PLB1: variants seen among roughly 807,000 people sequenced by gnomAD.
PLB1 encodes phospholipase B1, membrane-associated.
In PLB1, 242 loss-of-function variants were observed where a neutral mutation model predicts 227.4. The observed-to-expected ratio is 1.06, with a 90% CI of 0.96 to 1.18. The LOEUF (loss-of-function observed/expected upper bound fraction) is 1.18. Among genes scored for constraint, PLB1 ranks in the 50% most tolerant of loss-of-function variants. The probability of loss-of-function intolerance (pLI) is 0.00; values close to 1 mark genes in which losing one functional copy is unlikely to be tolerated. For synonymous variants in PLB1, 757 were observed against 682.2 expected, an observed-to-expected ratio of 1.11 and a Z score of -1.71; for missense variants, 1,858 against 1,816.3, an observed-to-expected ratio of 1.02 and a Z score of -0.42.
chr2:28,540,357 A>T lies in PLB1; in HGVS notation c.699-9A>T. On this transcript the variant is annotated splice_polypyrimidine_tract_variant and intron_variant, in intron 11 of 57. Transcript: ENST00000327757. ...CCCTCTCTCATTCCTGGTGTGTTTT[A>T]ACCTGCAGCCCTGCACCAGAGCCCT... 1 of 1,613,558 alleles carries T rather than the reference A, an allele frequency of 6.2e-7. No individual in the cohort carries two copies. The highest frequency in any genetic ancestry group is 8.5e-7 in the Non-Finnish European group (1 of 1,179,646).
chr2:28,598,709 C>G lies in PLB1; in HGVS notation c.2423C>G (p.Ala808Gly). The change falls in exon 35 of 58, where the codon GCC becomes GGC. Residue 808 changes from alanine to glycine, a missense_variant. By Grantham distance (60) the Ala-to-Gly change is moderately conservative (BLOSUM62 0). Coordinates refer to ENST00000327757, the MANE Select transcript of PLB1 (RefSeq NM_153021.5). ...LTGYAVGTGD[A>G]NDTNAFLNQA... ...GGCTACGCCGTGGGCACGGGTGATG[C>G]CAATGACACGAATGCATTCCTCAAT... 3 of 1,614,198 alleles carry G rather than the reference C, an allele frequency of 1.9e-6. No homozygotes were observed. Among genetic ancestry groups the G allele is most frequent in the Non-Finnish European group, 2.5e-6 (3 of 1,180,004 alleles).
intron 1 of PLB1, among the ~76,000 whole-genome samples, chr2:28,507,852 A>G (rs1025987576): frequency 3.9e-5 from 6 of 152,208 alleles, no homozygotes; most frequent in African/African-American, 1.4e-4. Flanking sequence ...CTCTGGGACC[A>G]TCAGTACAGG....
intron 20 of PLB1, among the ~76,000 whole-genome samples, chr2:28,567,282 C>A (rs901161290): frequency 2.6e-5 from 4 of 152,132 alleles, no homozygotes; most frequent in Non-Finnish European, 4.4e-5. Context: ...AGGCATCGAT[C>A]CAGGCACCTG....
At chr2:28,563,856 C>A (rs1187871748) in intron 18 of PLB1, among the ~76,000 whole-genome samples, 1 of 152,172 alleles carries the variant, frequency 6.6e-6, no homozygotes, top group Non-Finnish European at 1.5e-5. Flanking sequence ...GCAGACACCT[C>A]TCATGTCTAT....
intron 31 of PLB1, among the ~76,000 whole-genome samples, chr2:28,592,437 C>T (rs911322370): frequency 2.6e-5 from 4 of 151,980 alleles, no homozygotes; most frequent in Non-Finnish European, 5.9e-5. Flanking sequence ...CTCCCTCCTT[C>T]TCCCTCTCTG....
chr2:28,520,054 G>A (rs1401673352), intron 4 of PLB1, among the ~76,000 whole-genome samples: 1 of 151,854 alleles, frequency 6.6e-6, no homozygotes, highest in African/African-American at 2.4e-5. Flanking sequence ...TCAGCCTCCC[G>A]AGTAGCTGGG....
chr2:28,597,411 C>A (rs56153418), intron 33 of PLB1, among the ~76,000 whole-genome samples: 4 of 136,924 alleles, frequency 2.9e-5, no homozygotes, highest in Non-Finnish European at 1.7e-5. Flanking sequence ...TCTGTGTGTC[C>A]TACTCAATTT....
Position 28,566,151 on chromosome 2 carries a change from C to T in PLB1, c.1281-645C>T, listed in dbSNP as rs75683675. ...CTGACACCTGCTTTAACCTGAGTGC[C>T]GAGTCTCTGGCATCCTTCCTCACGT... On this transcript the variant is annotated intron_variant, in intron 19 of 57. Transcript: ENST00000327757. Among the ~76,000 whole-genome samples, 26 of 152,180 alleles carry T rather than the reference C, an allele frequency of 1.7e-4. No homozygotes were observed. In the East Asian group the frequency reaches 2.7e-3, roughly 16 times the overall value.
chr2:28,626,622 ATTTG>A, intron 51 of PLB1, 114 bp downstream of exon 51: 1 of 920,738 alleles, frequency 1.1e-6, no homozygotes, highest in Non-Finnish European at 1.7e-6. Context: ...TGGGAACCAC[ATTTG>A]CCTGCTGCCC....
rs1688703031 is a variant in PLB1 at position 28,632,060 on chromosome 2, T to C, written c.3922T>C (p.Trp1308Arg). 1.2e-6 allele frequency: 2 copies of C among 1,614,100 alleles called. No individual in the cohort carries two copies. The highest frequency in any genetic ancestry group is 1.7e-4 in the Middle Eastern group (1 of 6,046). ...GCATGGCATCTCCAGTTTCTCCTAC[T>C]GGCACCAATACACACAGCGTGAGGA... ...LQHGISSFSY[W>R]HQYTQREDFA... The change falls in exon 55 of 58, where the codon TGG (tryptophan) becomes CGG (arginine). Residue 1308 changes from tryptophan (W) to arginine (R), a missense_variant. By Grantham distance (101) the Trp-to-Arg change is moderately radical. Transcript: ENST00000327757.
rs1034267591 is a variant in PLB1, at chr2:28,548,957, A to G, written c.1008+26A>G. 5 of 1,609,932 alleles carry G rather than the reference A, an allele frequency of 3.1e-6. No homozygotes were observed. In the African/African-American group the frequency reaches 5.4e-5, roughly 17 times the overall value. ...GTAGGAGGGACTGGGCAGAGGAGGG[A>G]CTCTTATTGAATCGAGGGCGCAGGT... On this transcript the variant is annotated intron_variant, in intron 15 of 57. Transcript: ENST00000327757.
At chr2:28,588,530 C>T (rs1211934170) in intron 26 of PLB1, among the ~76,000 whole-genome samples, 1 of 152,142 alleles carries the variant, frequency 6.6e-6, no homozygotes, top group East Asian at 1.9e-4. Flanking sequence ...CATTCACATT[C>T]CCAGGTATGT....
intron 53 of PLB1, among the ~76,000 whole-genome samples, chr2:28,629,434 C>T (rs1412989375): frequency 6.6e-6 from 1 of 152,250 alleles, no homozygotes; most frequent in East Asian, 1.9e-4. Context: ...ATCCTTAAGG[C>T]TCCCTGACAT....
intron 31 of PLB1, 117 bp downstream of exon 31, chr2:28,591,877 C>A: frequency 9.6e-7 from 1 of 1,042,988 alleles, no homozygotes; most frequent in Non-Finnish European, 1.4e-6. Flanking sequence ...CCAGTGCTTG[C>A]TGTCTGCCTG....
At position 28,565,344 on chromosome 2, in the gene PLB1, T is replaced by G; in HGVS notation, c.1271T>G (p.Leu424Arg). 1 of 1,608,206 alleles carries G rather than the reference T, an allele frequency of 6.2e-7. No homozygotes were observed. The highest frequency in any genetic ancestry group is 2.2e-5 in the East Asian group (1 of 44,782). The change falls in exon 19 of 58, where the codon CTG (leucine) becomes CGG (arginine). Residue 424 changes from leucine (L) to arginine (R), a missense_variant. Coordinates refer to ENST00000327757, the MANE Select transcript of PLB1 (RefSeq NM_153021.5). Reference sequence around the variant, plus strand: ...GACGTCTTGACTCAGTACCGAGGCCTGTCCTGGAGGTGAGTGAGGGTGTGG... The same window carrying G: ...GACGTCTTGACTCAGTACCGAGGCCGGTCCTGGAGGTGAGTGAGGGTGTGG... ...VLDVLTQYRG[L>R]SWSVGGDENI... is the part of the protein sequence containing the mutation.
intron 35 of PLB1, among the ~76,000 whole-genome samples, chr2:28,600,363 G>A (rs939062447): frequency 4.6e-5 from 7 of 152,192 alleles, no homozygotes; most frequent in South Asian, 2.1e-4. Context: ...CCTGTGTGTC[G>A]ATATGAACAT....
At chr2:28,576,846 A>C (rs1490671594) in intron 21 of PLB1, among the ~76,000 whole-genome samples, 1 of 152,214 alleles carries the variant, frequency 6.6e-6, no homozygotes, top group Admixed American at 6.5e-5. Flanking sequence ...CAAAAAGGTT[A>C]AGTGACTTAC....
chr2:28,522,350 T>C (rs1195879106), intron 4 of PLB1, among the ~76,000 whole-genome samples: 1 of 152,042 alleles, frequency 6.6e-6, no homozygotes, highest in East Asian at 1.9e-4. Context: ...TTCTCTCTTA[T>C]CGATGCTGAT....
At chr2:28,562,764 C>T (rs530673553) in intron 17 of PLB1, among the ~76,000 whole-genome samples, 18 of 152,146 alleles carry the variant, frequency 1.2e-4, no homozygotes, top group East Asian at 1.2e-3. Flanking sequence ...CCACCAAATG[C>T]GAGCACAGCT....
Sources: gnomAD v4.1 joint callset for allele counts (sites outside exome capture counted in the v4.1 genomes callset) on GRCh38, gnomAD v4.1.1 for gene constraint, MANE v1.5 for transcripts, NCBI Gene and HGNC (gene_info 2026-07-23, HGNC 2026-07-21) for gene names.